The following PVT1 variants were observed in gnomAD, a reference collection of about 807,000 sequenced individuals.
PVT1 encodes Pvt1 oncogene, also known as CXCR4/PVT1 fusion.
intron 2 of PVT1, among the ~76,000 whole-genome samples, chr8:127,849,323 G>A (rs1815076526): frequency 6.6e-6 from 1 of 151,976 alleles, no homozygotes; most frequent in Non-Finnish European, 1.5e-5. Flanking sequence ...GTGACAAAGT[G>A]GAAGTAAACC....
chr8:127,926,743 G>A (rs746033780), intron 3 of PVT1, among the ~76,000 whole-genome samples: 63 of 152,210 alleles, frequency 4.1e-4, no homozygotes, highest in East Asian at 7.7e-4. Context: ...GACACTATCC[G>A]GCAACACGTT....
chr8:127,925,371 A>T (rs1227955817), intron 3 of PVT1, among the ~76,000 whole-genome samples: 4 of 152,232 alleles, frequency 2.6e-5, no homozygotes. Flanking sequence ...ATCTAGTTGA[A>T]AAATCCAGCA....
At chr8:127,807,348 G>C (rs536358627) in intron 2 of PVT1, among the ~76,000 whole-genome samples, 4 of 152,166 alleles carry the variant, frequency 2.6e-5, no homozygotes, top group African/African-American at 9.6e-5. Context: ...TAATTTACTT[G>C]TGGGGACAGA....
intron 2 of PVT1, among the ~76,000 whole-genome samples, chr8:127,880,596 C>CTTTTT (rs35252729): frequency 9.3e-6 from 1 of 108,068 alleles, no homozygotes; most frequent in African/African-American, 3.5e-5. Flanking sequence ...GCCCCCGGCC[C>CTTTTT]TTTTTTTTTT....
intron 4 of PVT1, among the ~76,000 whole-genome samples, chr8:128,058,078 A>G (rs1813782539): frequency 1.3e-5 from 2 of 152,200 alleles, no homozygotes; most frequent in Admixed American, 6.5e-5. Flanking sequence ...GCGTCACTGA[A>G]TGAATGGAGT....
At chr8:127,963,907 A>G (rs1173417153) in intron 3 of PVT1, among the ~76,000 whole-genome samples, 1 of 152,224 alleles carries the variant, frequency 6.6e-6, no homozygotes, top group East Asian at 1.9e-4. Flanking sequence ...GAGTTGGAAT[A>G]GAAATATCTT....
intron 4 of PVT1, among the ~76,000 whole-genome samples, chr8:127,994,027 G>A (rs1382640338): frequency 6.6e-6 from 1 of 152,102 alleles, no homozygotes; most frequent in African/African-American, 2.4e-5. Flanking sequence ...ATGGATGGTG[G>A]CTCCCAAATC....
At position 128,088,810 on chromosome 8, in the gene PVT1, A is replaced by G. The variant is rs573909737; in HGVS notation, n.1115-7708A>G. ...TTTCACTTATTGCCATGATTACCAGATACACCCACAAGCAAGAGGCTATTT... is the reference window on the plus strand; with the variant it reads ...TTTCACTTATTGCCATGATTACCAGGTACACCCACAAGCAAGAGGCTATTT... On this transcript the variant is annotated intron_variant and non_coding_transcript_variant, in intron 5 of 10. Transcript: ENST00000651587. 8.5e-5 allele frequency among the ~76,000 whole-genome samples: 13 copies of G among 152,334 alleles called. No homozygotes were observed. In the South Asian group the frequency reaches 2.7e-3, roughly 32 times the overall value.
intron 4 of PVT1, among the ~76,000 whole-genome samples, chr8:128,011,813 G>T (rs1435752981): frequency 6.6e-6 from 1 of 152,162 alleles, no homozygotes; most frequent in African/African-American, 2.4e-5. Flanking sequence ...AAATGGAAAG[G>T]TAGAAACAGT....
intron 2 of PVT1, among the ~76,000 whole-genome samples, chr8:127,881,019 C>T (rs1815461344): frequency 6.6e-6 from 1 of 152,222 alleles, no homozygotes; most frequent in South Asian, 2.1e-4. Flanking sequence ...AGCAATGTAC[C>T]TTGCAGAGCT....
chr8:128,031,547 G>A (rs1007252050), intron 4 of PVT1, among the ~76,000 whole-genome samples: 2 of 152,168 alleles, frequency 1.3e-5, no homozygotes, highest in Non-Finnish European at 2.9e-5. Flanking sequence ...AAACTGACTG[G>A]ATGAGTCCAA....
intron 3 of PVT1, among the ~76,000 whole-genome samples, chr8:127,913,744 G>T (rs549171431): frequency 6.6e-6 from 1 of 152,210 alleles, no homozygotes; most frequent in Admixed American, 6.5e-5. Context: ...ACACTCCAGG[G>T]TCTGTGTGGG....
intron 2 of PVT1, among the ~76,000 whole-genome samples, chr8:127,887,973 C>G (rs1037831160): frequency 1.0e-4 from 11 of 108,934 alleles, no homozygotes; most frequent in Admixed American, 4.1e-4. Flanking sequence ...CTGAATCTCA[C>G]TCTGTCACCT....
rs184553903 is a variant in PVT1, at chr8:127,817,231, T to C, written n.372+21160T>C. 1.7e-3 allele frequency among the ~76,000 whole-genome samples: 262 copies of C among 151,904 alleles called. 1 individual carries two copies. Among genetic ancestry groups the C allele is most frequent in the African/African-American group, 6.1e-3 (251 of 41,406 alleles). ...TTGGTGTGATGGTTGAGAGCGCTGT[T>C]CTGGAATAGGAGAGACACAGACCTG... On this transcript the variant is annotated intron_variant and non_coding_transcript_variant, in intron 2 of 10. Transcript: ENST00000651587.
intron 2 of PVT1, among the ~76,000 whole-genome samples, chr8:127,818,166 C>T (rs975562287): frequency 1.3e-5 from 2 of 152,224 alleles, no homozygotes; most frequent in African/African-American, 4.8e-5. Flanking sequence ...ATTTCACCCC[C>T]ACTTCCTTCC....
intron 3 of PVT1, among the ~76,000 whole-genome samples, chr8:127,945,110 C>T (rs922162412): frequency 5.3e-5 from 8 of 152,148 alleles, no homozygotes; most frequent in African/African-American, 1.9e-4. Flanking sequence ...GGAGAATGAA[C>T]AATGAACAGT....
At chr8:127,797,362 T>C (rs1814409589) in intron 2 of PVT1, among the ~76,000 whole-genome samples, 1 of 152,182 alleles carries the variant, frequency 6.6e-6, no homozygotes, top group African/African-American at 2.4e-5. Context: ...GATGCAGGTT[T>C]GTGATCTCTT....
chr8:128,041,389 ATGTG>A (rs1318194226), intron 4 of PVT1, among the ~76,000 whole-genome samples: 2 of 125,930 alleles, frequency 1.6e-5, no homozygotes, highest in African/African-American at 3.1e-5. Flanking sequence ...GCATATGTGT[ATGTG>A]TGTGTTTGTG....
intron 4 of PVT1, among the ~76,000 whole-genome samples, chr8:128,026,063 T>C (rs1803093797): frequency 6.6e-6 from 1 of 152,074 alleles, no homozygotes; most frequent in Non-Finnish European, 1.5e-5. Context: ...GTGATTCTCC[T>C]GCCAGAGTAG....
Sources: allele counts gnomAD v4.1 joint callset (sites outside exome capture counted in the v4.1 genomes callset), GRCh38; gene constraint gnomAD v4.1.1; transcripts MANE v1.5; gene names NCBI Gene and HGNC (gene_info 2026-07-23, HGNC 2026-07-21).